SRGAP1: variants seen among roughly 807,000 people sequenced by gnomAD.
SRGAP1 encodes the protein SLIT-ROBO Rho GTPase activating protein 1, also known as SLIT-ROBO Rho GTPase-activating protein 1.
A neutral mutation model predicts 121.9 loss-of-function variants in SRGAP1; 43 were observed. The ratio of observed to expected loss-of-function variants is 0.35; its 90% CI spans 0.28 to 0.46. The LOEUF (loss-of-function observed/expected upper bound fraction) is 0.46, where lower values mean the gene tolerates loss of function less well. Ranked by LOEUF, SRGAP1 falls within the 20% of genes least tolerant of loss-of-function variation. The pLI is 1.00. For synonymous variants in SRGAP1, 447 were observed against 485.4 expected, an observed-to-expected ratio of 0.92 and a Z score of 1.04; for missense variants, 1,102 against 1,350.9, an observed-to-expected ratio of 0.82 and a Z score of 2.89.
At chr12:64,112,884 G>C (rs2036452610) in intron 17 of SRGAP1, among the ~76,000 whole-genome samples, 1 of 152,130 alleles carries the variant, frequency 6.6e-6, no homozygotes, top group African/African-American at 2.4e-5. Context: ...CCAAAGGCTA[G>C]GAAGGGAAGG....
intron 6 of SRGAP1, among the ~76,000 whole-genome samples, chr12:64,056,661 A>C (rs1209479383): frequency 6.6e-6 from 1 of 152,054 alleles, no homozygotes; most frequent in Non-Finnish European, 1.5e-5. Flanking sequence ...AATCCAAACT[A>C]TTCACCAAGA....
intron 1 of SRGAP1, among the ~76,000 whole-genome samples, chr12:63,953,604 A>C (rs2032367429): frequency 6.6e-6 from 1 of 151,120 alleles, no homozygotes; most frequent in Non-Finnish European, 1.5e-5. Flanking sequence ...ACAAGATTTC[A>C]CTTTATTGCC....
At chr12:64,085,484 G>T (rs972541649) in intron 10 of SRGAP1, among the ~76,000 whole-genome samples, 3 of 152,044 alleles carry the variant, frequency 2.0e-5, no homozygotes, top group Non-Finnish European at 4.4e-5. Context: ...TACGTGGCTC[G>T]TATGGACCCA....
intron 1 of SRGAP1, among the ~76,000 whole-genome samples, chr12:63,861,304 T>A (rs5027172): frequency 0.1 from 10,741 of 105,286 alleles, 401 homozygotes; most frequent in Middle Eastern, 0.17. Context: ...ATATATATAT[T>A]TTTTTTTTTT....
intron 1 of SRGAP1, among the ~76,000 whole-genome samples, chr12:63,883,166 G>A (rs931204173): frequency 1.3e-5 from 2 of 152,236 alleles, no homozygotes; most frequent in African/African-American, 4.8e-5. Flanking sequence ...TCATTTTCAA[G>A]AAGTTTTCAA....
At chr12:63,908,421 A>C (rs576118780) in intron 1 of SRGAP1, among the ~76,000 whole-genome samples, 14 of 152,192 alleles carry the variant, frequency 9.2e-5, no homozygotes, top group African/African-American at 3.4e-4. Context: ...TGTAAGTGTA[A>C]AGCTTTTTTT....
intron 1 of SRGAP1, among the ~76,000 whole-genome samples, chr12:63,881,892 T>C (rs1175230018): frequency 1.3e-5 from 2 of 152,212 alleles, no homozygotes; most frequent in African/African-American, 4.8e-5. Flanking sequence ...AGAGTTGATA[T>C]ACAGCTCATT....
intron 10 of SRGAP1, chr12:64,081,092 A>G (rs1447849337): frequency 6.6e-6 from 1 of 152,322 alleles, no homozygotes; most frequent in Non-Finnish European, 1.5e-5. Flanking sequence ...CTTTGTCTTT[A>G]TGAAATTTAA....
chr12:63,935,296 C>G (rs1340059723), intron 1 of SRGAP1, among the ~76,000 whole-genome samples: 2 of 152,112 alleles, frequency 1.3e-5, no homozygotes, highest in Non-Finnish European at 2.9e-5. Context: ...TTGGCAAAAC[C>G]TGAGACCGAA....
Position 64,146,900 on chromosome 12 carries a change from G to A in SRGAP1, c.*4228G>A, listed in dbSNP as rs929103720. The A allele has an allele frequency of 1.4e-5, 2 of 139,754 alleles. No homozygotes were observed. Among genetic ancestry groups the A allele is most frequent in the Non-Finnish European group, 3.1e-5 (2 of 63,604 alleles). The allele number at this position is 139,754 out of a possible 1,614,324, so 8.7% of individuals were successfully genotyped here. ...TATACGTTCTTAAAAAAAAAAAAAA[G>A]TCTATGTGGTATAATCGAGATGGAT... On this transcript the variant is annotated 3_prime_UTR_variant, in exon 22 of 22. Transcript: ENST00000355086.
At chr12:63,948,101 C>T (rs1475043673) in intron 1 of SRGAP1, among the ~76,000 whole-genome samples, 2 of 151,984 alleles carry the variant, frequency 1.3e-5, no homozygotes, top group Admixed American at 1.3e-4. Flanking sequence ...GGAATTATGT[C>T]AGGTGAAAAT....
rs1233246806 is a variant in SRGAP1 at position 64,142,592 on chromosome 12, G to A, written c.3178G>A (p.Ala1060Thr). The A allele has an allele frequency of 6.2e-7, 1 of 1,614,156 alleles. No individual in the cohort carries two copies. Among genetic ancestry groups the A allele is most frequent in the Admixed American group, 1.7e-5 (1 of 60,022 alleles). ...GCCTCCAGCCCTTAGGCCAAAACCT[G>A]CTGTTCTTCCAAAAACAAATCCTAC... is the stretch of plus-strand genomic sequence containing the variant. ...LKPPALRPKP[A>T]VLPKTNPTIG... is the part of the protein sequence containing the mutation. Residue 1060 changes from alanine (A) to threonine (T), a missense_variant, in exon 22 of 22, where the codon GCT becomes ACT. Around this residue, in one of 3 missense-constraint regions of SRGAP1, gnomAD observed 315 missense variants for 343.1 expected, o/e 0.92. Coordinates refer to ENST00000355086, the MANE Select transcript of SRGAP1 (RefSeq NM_020762.4).
intron 8 of SRGAP1, among the ~76,000 whole-genome samples, chr12:64,069,349 A>T (rs1271752688): frequency 6.6e-6 from 1 of 152,208 alleles, no homozygotes; most frequent in Non-Finnish European, 1.5e-5. Context: ...TTAATTAAAT[A>T]CGTGGTTGGT....
chr12:64,097,581 T>A, intron 15 of SRGAP1: 1 of 449,836 alleles, frequency 2.2e-6, no homozygotes. Flanking sequence ...GCTTTCCTCC[T>A]GAACATCCTC....
chr12:63,865,949 G>A (rs1475603106), intron 1 of SRGAP1, among the ~76,000 whole-genome samples: 4 of 152,258 alleles, frequency 2.6e-5, no homozygotes, highest in South Asian at 2.1e-4. Context: ...TCAGCTCATC[G>A]TTGTCGGTTG....
At chr12:63,868,070 T>TG (rs1899713615) in intron 1 of SRGAP1, among the ~76,000 whole-genome samples, 5 of 94,938 alleles carry the variant, frequency 5.3e-5, no homozygotes, top group Non-Finnish European at 7.8e-5. Context: ...TTTTTTTTTT[T>TG]TTTTTTTTGT....
intron 1 of SRGAP1, among the ~76,000 whole-genome samples, chr12:63,960,750 G>A (rs1242144147): frequency 6.6e-6 from 1 of 152,138 alleles, no homozygotes; most frequent in African/African-American, 2.4e-5. Context: ...TTATAACAGG[G>A]ATGCAAGAGA....
Position 63,896,203 on chromosome 12 carries a change from G to A in SRGAP1, c.67+51320G>A, listed in dbSNP as rs548786699. Among the ~76,000 whole-genome samples the A allele has an allele frequency of 4.2e-4, 64 of 152,208 alleles. 1 individual carries two copies. Among genetic ancestry groups the A allele is most frequent in the African/African-American group, 1.4e-3 (58 of 41,534 alleles). ...TAAATGATCTATTATCCATGTACTTGGCCTAGTGGCTAGAACTTAGTAAGT... is the reference window on the plus strand; with the variant it reads ...TAAATGATCTATTATCCATGTACTTAGCCTAGTGGCTAGAACTTAGTAAGT... On this transcript the variant is annotated intron_variant, in intron 1 of 21. Coordinates refer to ENST00000355086, the MANE Select transcript of SRGAP1 (RefSeq NM_020762.4).
intron 1 of SRGAP1, among the ~76,000 whole-genome samples, chr12:63,901,600 C>A (rs1483899721): frequency 2.0e-5 from 3 of 152,178 alleles, no homozygotes; most frequent in Admixed American, 6.5e-5. Context: ...ACAGGTTAGC[C>A]CTTAATCACA....
Sources: gnomAD v4.1 joint callset for allele counts (sites outside exome capture counted in the v4.1 genomes callset) on GRCh38, gnomAD v4.1.1 for gene constraint, gnomAD v4.1.1 regional missense constraint, MANE v1.5 for transcripts, NCBI Gene and HGNC (gene_info 2026-07-23, HGNC 2026-07-21) for gene names.